Variants in PTPRT observed in about 807,000 individuals in gnomAD.
PTPRT encodes the protein protein tyrosine phosphatase receptor type T, also known as receptor-type tyrosine-protein phosphatase T.
A neutral mutation model predicts 176.8 loss-of-function variants in PTPRT; 56 were observed. The observed-to-expected ratio is 0.32, with a 90% CI of 0.26 to 0.40. The LOEUF (loss-of-function observed/expected upper bound fraction) is 0.40. Ranked by LOEUF, PTPRT falls within the 10% of genes least tolerant of loss-of-function variation. The pLI, the probability that PTPRT is intolerant of heterozygous loss-of-function variation, is 1.00. For missense variants in PTPRT, 1,540 were observed against 1,908.2 expected, an observed-to-expected ratio of 0.81 and a Z score of 3.60; for synonymous variants, 783 against 739.0, an observed-to-expected ratio of 1.06 and a Z score of -0.96.
chr20:42,356,001 A>G (rs2058353503), intron 9 of PTPRT, among the ~76,000 whole-genome samples: 1 of 152,152 alleles, frequency 6.6e-6, no homozygotes, highest in African/African-American at 2.4e-5. Flanking sequence ...ATGTTAATAT[A>G]GCATGTCTTC....
intron 7 of PTPRT, among the ~76,000 whole-genome samples, chr20:42,581,769 C>G (rs1396114364): frequency 6.6e-6 from 1 of 152,084 alleles, no homozygotes; most frequent in Non-Finnish European, 1.5e-5. Flanking sequence ...TATTTAAAAG[C>G]AAAGATGTTT....
At chr20:42,784,688 C>T (rs2077263583) in intron 3 of PTPRT, among the ~76,000 whole-genome samples, 1 of 152,076 alleles carries the variant, frequency 6.6e-6, no homozygotes, top group Admixed American at 6.6e-5. Flanking sequence ...TCCAGTTGAA[C>T]CAAAGCTGGG....
At chr20:42,071,070 C>T (rs1982309443), downstream of PTPRT, among the ~76,000 whole-genome samples, 6 of 152,306 alleles carry the variant, frequency 3.9e-5, no homozygotes, top group East Asian at 1.9e-4. Flanking sequence ...CTGGGAATCA[C>T]ATGTTCTCTA....
intron 9 of PTPRT, among the ~76,000 whole-genome samples, chr20:42,395,145 T>C (rs907787517): frequency 2.6e-5 from 4 of 152,168 alleles, no homozygotes; most frequent in African/African-American, 9.7e-5. Context: ...CAGTCTCATT[T>C]TCAGACTCCC....
At chr20:42,069,698 T>A (rs544543729), downstream of PTPRT, among the ~76,000 whole-genome samples, 3 of 152,370 alleles carry the variant, frequency 2.0e-5, no homozygotes, top group African/African-American at 4.8e-5. Context: ...CATACATTTA[T>A]ATATTCAATT....
chr20:42,463,395 T>C (rs2071053281), intron 8 of PTPRT, among the ~76,000 whole-genome samples: 1 of 152,190 alleles, frequency 6.6e-6, no homozygotes. Flanking sequence ...AATTACTTTA[T>C]AATTTCATTC....
At chr20:42,489,807 T>G (rs899657407) in intron 7 of PTPRT, among the ~76,000 whole-genome samples, 3 of 152,182 alleles carry the variant, frequency 2.0e-5, no homozygotes, top group Non-Finnish European at 4.4e-5. Flanking sequence ...AAACTTTTTT[T>G]GAAGAAATCT....
At chr20:42,204,729 A>G (rs1162734005) in intron 15 of PTPRT, among the ~76,000 whole-genome samples, 2 of 152,072 alleles carry the variant, frequency 1.3e-5, no homozygotes, top group South Asian at 2.1e-4. Context: ...GAGTCCTGTG[A>G]TTTGTTCTGA....
Position 42,791,475 on chromosome 20 carries a change from CCACAAAG to C in PTPRT, c.215-16_215-10del, listed in dbSNP as rs761413170. On this transcript the variant is annotated splice_polypyrimidine_tract_variant and intron_variant, in intron 2 of 30. Coordinates refer to ENST00000373187, the MANE Select transcript of PTPRT (RefSeq NM_007050.6). ...CACCATCATGAAAGATCCTGGAGACCCACAAAGCAGGTGGGAAGTAGAGACAAAGAGA... is the reference window on the plus strand; with the variant it reads ...CACCATCATGAAAGATCCTGGAGACCCAGGTGGGAAGTAGAGACAAAGAGA... 7.5e-6 allele frequency: 12 copies of C among 1,604,738 alleles called. No individual in the cohort carries two copies. The African/African-American group carries it at 1.6e-4, about 21-fold the overall frequency.
chr20:43,157,068 CA>C, intron 1 of PTPRT, among the ~76,000 whole-genome samples: 1 of 152,140 alleles, frequency 6.6e-6, no homozygotes, highest in African/African-American at 2.4e-5. Context: ...AAAAAAGACA[CA>C]GGCTGGGCAC....
intron 8 of PTPRT, among the ~76,000 whole-genome samples, chr20:42,453,794 C>T (rs1484666791): frequency 6.6e-6 from 1 of 151,580 alleles, no homozygotes; most frequent in Non-Finnish European, 1.5e-5. Context: ...TCTCAGCCTC[C>T]CAAGTAGCTG....
At chr20:43,121,717 A>T (rs893124469) in intron 1 of PTPRT, among the ~76,000 whole-genome samples, 6 of 152,326 alleles carry the variant, frequency 3.9e-5, no homozygotes, top group African/African-American at 1.4e-4. Context: ...TGGCAGAGAA[A>T]ATAAAAAATA....
intron 7 of PTPRT, among the ~76,000 whole-genome samples, chr20:42,515,310 C>T (rs2072040433): frequency 6.6e-6 from 1 of 152,076 alleles, no homozygotes; most frequent in Non-Finnish European, 1.5e-5. Flanking sequence ...TGGTGAAACC[C>T]CATCTCTACT....
intron 7 of PTPRT, among the ~76,000 whole-genome samples, chr20:42,623,081 CCCAT>C (rs1385418198): frequency 6.6e-6 from 1 of 152,176 alleles, no homozygotes; most frequent in Non-Finnish European, 1.5e-5. Flanking sequence ...CCTCTAGCTC[CCCAT>C]CCATCCCACG....
At chr20:42,378,722 C>A (rs1276314548) in intron 9 of PTPRT, among the ~76,000 whole-genome samples, 2 of 152,150 alleles carry the variant, frequency 1.3e-5, no homozygotes, top group Non-Finnish European at 2.9e-5. Context: ...AATATTGATT[C>A]CTCCAGTTAC....
At chr20:42,866,443 C>T (rs983352696) in intron 2 of PTPRT, among the ~76,000 whole-genome samples, 1 of 152,086 alleles carries the variant, frequency 6.6e-6, no homozygotes, top group African/African-American at 2.4e-5. Flanking sequence ...ATACCTCCAA[C>T]CCCCTTTTCC....
chr20:42,738,666 G>C (rs1359122823), intron 6 of PTPRT, among the ~76,000 whole-genome samples: 1 of 152,140 alleles, frequency 6.6e-6, no homozygotes, highest in Non-Finnish European at 1.5e-5. Flanking sequence ...AGATTACTGG[G>C]GCATAACAGG....
the PTPRT span, among the ~76,000 whole-genome samples, chr20:42,045,496 T>C: frequency 6.6e-6 from 1 of 151,216 alleles, no homozygotes; most frequent in African/African-American, 2.4e-5. Context: ...TACATTAAAA[T>C]GTCTTTTTAT....
intron 9 of PTPRT, among the ~76,000 whole-genome samples, chr20:42,413,120 G>A (rs536925394): frequency 2.0e-4 from 31 of 152,030 alleles, no homozygotes; most frequent in Non-Finnish European, 3.7e-4. Context: ...AGAGTGATAC[G>A]GCACGATATT....
Sources: gnomAD v4.1 joint callset for allele counts (sites outside exome capture counted in the v4.1 genomes callset) on GRCh38, gnomAD v4.1.1 for gene constraint, MANE v1.5 for transcripts, NCBI Gene and HGNC (gene_info 2026-07-23, HGNC 2026-07-21) for gene names.